The following DHX38 variants were observed in gnomAD, a reference collection of about 807,000 sequenced individuals.
DHX38 encodes the protein DEAH-box helicase 38, also known as pre-mRNA-splicing factor ATP-dependent RNA helicase PRP16.
DHX38 carries 100 observed loss-of-function variants against 153.1 expected under a neutral mutation model. The observed-to-expected ratio is 0.65, with a 90% CI of 0.56 to 0.77. The LOEUF is 0.77. DHX38 is among the 30% of genes least tolerant of loss of function. The pLI is 0.00. For missense variants in DHX38, 1,440 were observed against 1,654.0 expected (o/e 0.87, Z 2.24); for synonymous variants, 650 against 631.7 (o/e 1.03, Z -0.43).
At position 72,107,558 on chromosome 16, in the gene DHX38, C is replaced by T; in HGVS notation, c.2809+10C>T. 1 of 1,610,370 alleles carries T rather than the reference C, an allele frequency of 6.2e-7. No homozygotes were observed. The highest frequency in any genetic ancestry group is 8.5e-7 in the Non-Finnish European group (1 of 1,177,078). ...GCCCTGGACAACACAGGTGAGGCGG[C>T]CCCGGGAGCCTCATGGGTGCTGGCG... On this transcript the variant is annotated intron_variant, in intron 20 of 26. Coordinates refer to ENST00000268482, the MANE Select transcript of DHX38 (RefSeq NM_014003.4). The surrounding 1 kb of genome is among the most constrained non-coding windows in gnomAD (Gnocchi z 5.3).
intron 25 of DHX38, chr16:72,109,789 G>T: frequency 3.7e-6 from 1 of 267,346 alleles, no homozygotes. Flanking sequence ...TGAATTCGTT[G>T]CCTTGCCTCT....
intron 8 of DHX38, among the ~76,000 whole-genome samples, chr16:72,100,135 G>A (rs2042080558): frequency 6.6e-6 from 1 of 152,154 alleles, no homozygotes; most frequent in Non-Finnish European, 1.5e-5. Context: ...CAGGTGCATT[G>A]GGACCTGCCT....
chr16:72,097,631 C>T (rs773866098), intron 3 of DHX38, 46 bp from the exon 4 acceptor site: 7 of 1,577,760 alleles, frequency 4.4e-6, no homozygotes, highest in Non-Finnish European at 6.1e-6. Flanking sequence ...ATGTGTATAC[C>T]TTAGGATGGG....
At chr16:72,105,685 G>C (rs935477268) in intron 18 of DHX38, 61 bp downstream of exon 18, 1 of 1,566,552 alleles carries the variant, frequency 6.4e-7, no homozygotes, top group African/African-American at 1.4e-5. Context: ...TAGCTGCGGG[G>C]TGGGAAGCCA....
intron 7 of DHX38, 44 bp downstream of exon 7, chr16:72,099,324 G>C (rs760331043): frequency 2.0e-6 from 3 of 1,514,152 alleles, no homozygotes; most frequent in East Asian, 4.7e-5. Context: ...GCTGGTGGCC[G>C]TCTGTAGATG....
In DHX38 at chr16:72,107,397, C is replaced by A. The variant is rs903542914; in HGVS notation, c.2658C>A (p.Ile886=). The change falls in exon 20 of 27, where the codon ATC becomes ATA. Residue 886 remains isoleucine, a synonymous_variant. Transcript: ENST00000268482. The surrounding 1 kb of genome is among the most constrained non-coding windows in gnomAD (Gnocchi z 5.3). ...NELLTTTVPE[I]QRTNLANVVL... The stretch of plus-strand genomic sequence containing the variant: ...TCCTGACCACCACAGTGCCCGAGAT[C>A]CAGAGGACTAACCTGGCCAACGTGG... 15 of 1,613,954 alleles carry A rather than the reference C, an allele frequency of 9.3e-6. No homozygotes were observed. Among genetic ancestry groups the A allele is most frequent in the Non-Finnish European group, 1.3e-5 (15 of 1,180,044 alleles).
At position 72,104,234 on chromosome 16, in the gene DHX38, G is replaced by T; in HGVS notation, c.2010+103G>T. ...GGTGGGCTGAGGGGGTCTCTGGTAG[G>T]CCAGAGGTTCCTGAGGCCTCTGGTT... On this transcript the variant is annotated intron_variant, in intron 14 of 26. Transcript: ENST00000268482. This position sits in a 1 kb window ranked among gnomAD's most constrained non-coding sequence, Gnocchi z 4.5. The T allele has an allele frequency of 7.1e-7, 1 of 1,416,402 alleles. No individual in the cohort carries two copies. Among genetic ancestry groups the T allele is most frequent in the South Asian group, 1.3e-5 (1 of 75,686 alleles). 87.7% of individuals were successfully genotyped at this position (1,416,402 alleles called of 1,614,324 possible).
intron 1 of DHX38, among the ~76,000 whole-genome samples, chr16:72,095,654 A>C (rs1184214045): frequency 6.6e-6 from 1 of 152,162 alleles, no homozygotes; most frequent in African/African-American, 2.4e-5. Context: ...ATAAGGTAAA[A>C]ATTTTTTCCA....
rs147160820 is a variant in DHX38 at position 72,101,378 on chromosome 16, G to A, written c.1387-122G>A. On this transcript the variant is annotated intron_variant, in intron 10 of 26. Coordinates refer to ENST00000268482, the MANE Select transcript of DHX38 (RefSeq NM_014003.4). ...CTTGAGGATTGGAATGTGGCTCGGT[G>A]CCACCAGCACTCTGGGGGAGTTTAC... 1.2e-4 allele frequency: 145 copies of A among 1,168,146 alleles called. 1 individual carries two copies. In the Middle Eastern group the frequency reaches 6.7e-3, roughly 54 times the overall value. The allele number at this position is 1,168,146 out of a possible 1,614,324, so 72.4% of individuals were successfully genotyped here. A position where few individuals can be genotyped will look rare whatever the true frequency, so the allele number is the denominator to read the frequency against.
chr16:72,098,326 G>A (rs775256452), intron 4 of DHX38, among the ~76,000 whole-genome samples: 4 of 152,046 alleles, frequency 2.6e-5, no homozygotes, highest in Admixed American at 6.6e-5. Flanking sequence ...CCAGCTATTC[G>A]GTAGGCTGAG....
Position 72,096,850 on chromosome 16 carries a change from C to T in DHX38, c.352C>T (p.Pro118Ser), listed in dbSNP as rs2042027117. The change falls in exon 3 of 27, where the codon CCA (proline) becomes TCA (serine). Residue 118 changes from proline to serine, a missense_variant. Coordinates refer to ENST00000268482, the MANE Select transcript of DHX38 (RefSeq NM_014003.4). ...RHYRSARVET[P>S]SHPGGVSEEF... ...TTATCGGTCTGCTCGGGTAGAGACT[C>T]CATCCCATCCGGGTGGTGTGAGCGA... 3 of 1,613,618 alleles carry T rather than the reference C, an allele frequency of 1.9e-6. No homozygotes were observed. The highest frequency in any genetic ancestry group is 1.1e-5 in the South Asian group (1 of 91,044).
chr16:72,101,645 T>A, intron 11 of DHX38, 33 bp downstream of exon 11: 1 of 1,537,574 alleles, frequency 6.5e-7, no homozygotes, highest in Non-Finnish European at 8.8e-7. Context: ...ACATCAGCCT[T>A]GCTCCAAAGA....
chr16:72,108,191 C>G, intron 21 of DHX38, 36 bp from the exon 22 acceptor site: 1 of 1,609,996 alleles, frequency 6.2e-7, no homozygotes. Context: ...CTGGACCCCC[C>G]TGTACTTAGA....
intron 24 of DHX38, among the ~76,000 whole-genome samples, 186 bp downstream of exon 24, chr16:72,109,111 T>G (rs1321641133): frequency 6.6e-6 from 1 of 152,230 alleles, no homozygotes; most frequent in Non-Finnish European, 1.5e-5. Context: ...GGTTGACCTC[T>G]AGACTGCATT....
chr16:72,099,000 G>C lies in DHX38; in HGVS notation c.838G>C (p.Asp280His). ...CTACAAATATAACGAGTGGGCCGAT[G>C]ACAGAAGACACTTGGGGTCCACCCC... ...PSYKYNEWADDRRHLGSTPRL... is the reference protein window; with the variant it reads ...PSYKYNEWADHRRHLGSTPRL... The change falls in exon 6 of 27, where the codon GAC becomes CAC. Residue 280 changes from aspartate to histidine, a missense_variant. Around this residue, in one of 6 missense-constraint regions of DHX38, gnomAD observed 483 missense variants for 465.1 expected, o/e 1.04. Transcript: ENST00000268482. The C allele has an allele frequency of 6.2e-7, 1 of 1,613,470 alleles. No individual in the cohort carries two copies. The highest frequency in any genetic ancestry group is 8.5e-7 in the Non-Finnish European group (1 of 1,180,038).
chr16:72,104,091 G>T lies in DHX38; in HGVS notation c.1970G>T (p.Arg657Leu). The T allele has an allele frequency of 6.2e-7, 1 of 1,614,138 alleles. No individual in the cohort carries two copies. Among genetic ancestry groups the T allele is most frequent in the Non-Finnish European group, 8.5e-7 (1 of 1,180,028 alleles). The stretch of plus-strand genomic sequence containing the variant: ...ATCATCATGGACGAGGCCCACGAGC[G>T]CTCCCTCAACACTGACGTGCTCTTT... ...SAIIMDEAHE[R>L]SLNTDVLFGL... The change falls in exon 14 of 27, where the codon CGC becomes CTC. Residue 657 changes from arginine to leucine, a missense_variant. By Grantham distance (102) the Arg-to-Leu change is moderately radical. This residue lies in a region of DHX38 where 543 missense variants were observed against 717.9 expected (regional missense o/e 0.76). Coordinates refer to ENST00000268482, the MANE Select transcript of DHX38 (RefSeq NM_014003.4). The surrounding 1 kb of genome is among the most constrained non-coding windows in gnomAD (Gnocchi z 4.5).
In DHX38 at chr16:72,105,615, C is replaced by T. The variant is rs776472233; in HGVS notation, c.2478C>T (p.Cys826=). The T allele has an allele frequency of 1.2e-6, 2 of 1,614,108 alleles. No individual in the cohort carries two copies. Among genetic ancestry groups the T allele is most frequent in the South Asian group, 1.1e-5 (1 of 91,086 alleles). Residue 826 remains cysteine, a synonymous_variant, in exon 18 of 27, where the codon TGC becomes TGT. Transcript: ENST00000268482. ...TGTTTGTTATCGATTCTGGTTATTG[C>T]AAATTAAAGGTAAGAGAAGACATGG... ...GIMFVIDSGY[C]KLKVFNPRIG...
At position 72,097,728 on chromosome 16, in the gene DHX38, C is replaced by T. The variant is rs1567603501; in HGVS notation, c.563C>T (p.Ser188Leu). 6.2e-7 allele frequency: 1 copy of T among 1,614,162 alleles called. No homozygotes were observed. Among genetic ancestry groups the T allele is most frequent in the South Asian group, 1.1e-5 (1 of 91,070 alleles). Residue 188 changes from serine (S) to leucine (L), a missense_variant, in exon 4 of 27, where the codon TCA (serine) becomes TTA (leucine). By Grantham distance (145) the Ser-to-Leu change is moderately radical. Around this residue, in one of 6 missense-constraint regions of DHX38, gnomAD observed 483 missense variants for 465.1 expected, o/e 1.04. Coordinates refer to ENST00000268482, the MANE Select transcript of DHX38 (RefSeq NM_014003.4). ...HSSRSERDGG[S>L]ERSSRRNEPE... is the part of the protein sequence containing the mutation. ...AGCAGATCAGAGCGAGATGGAGGGT[C>T]AGAGCGTAGCAGCAGAAGAAATGAA...
rs769532073 is a variant in DHX38, at chr16:72,112,509, C to G, written c.*12C>G. The G allele has an allele frequency of 1.7e-5, 27 of 1,611,294 alleles. No individual in the cohort carries two copies. The highest frequency in any genetic ancestry group is 5.3e-5 in the African/African-American group (4 of 74,938). On this transcript the variant is annotated 3_prime_UTR_variant, in exon 27 of 27. Transcript: ENST00000268482. ...GCTTTGGTCTGTGAGCTGAGGCTGTCCCCAGAGAGGATGGCAGCAGGTATT... is the reference window on the plus strand; with the variant it reads ...GCTTTGGTCTGTGAGCTGAGGCTGTGCCCAGAGAGGATGGCAGCAGGTATT...
Sources: gnomAD v4.1 joint callset for allele counts (sites outside exome capture counted in the v4.1 genomes callset) on GRCh38, gnomAD v4.1.1 for gene constraint, gnomAD v4.1.1 regional missense constraint, Gnocchi (gnomAD v3.1) non-coding constraint, MANE v1.5 for transcripts, NCBI Gene and HGNC (gene_info 2026-07-23, HGNC 2026-07-21) for gene names.